Variants in SEMA5A observed in about 807,000 individuals in gnomAD.
SEMA5A encodes the protein semaphorin-5A.
In SEMA5A, 55 loss-of-function variants were observed where a neutral mutation model predicts 135.5. The ratio of observed to expected loss-of-function variants is 0.41; its 90% confidence interval spans 0.33 to 0.51. SEMA5A has a LOEUF of 0.51. Ranked by LOEUF, SEMA5A falls within the 20% of genes least tolerant of loss-of-function variation. The pLI is 0.37. For missense variants in SEMA5A, 1,290 were observed against 1,419.9 expected (o/e 0.91, Z 1.47); for synonymous variants, 580 against 546.5 (o/e 1.06, Z -0.85).
chr5:9,314,445 G>A (rs1430575620), intron 5 of SEMA5A, among the ~76,000 whole-genome samples: 1 of 151,290 alleles, frequency 6.6e-6, no homozygotes, highest in Non-Finnish European at 1.5e-5. Flanking sequence ...AAATATTTTG[G>A]ATATATTGAG....
intron 5 of SEMA5A, among the ~76,000 whole-genome samples, chr5:9,251,114 G>A (rs990970811): frequency 6.6e-6 from 1 of 152,086 alleles, no homozygotes; most frequent in Non-Finnish European, 1.5e-5. Flanking sequence ...CTGAGAAAAG[G>A]ATAAATTTGG....
chr5:9,177,346 A>T (rs1189676184), intron 11 of SEMA5A, among the ~76,000 whole-genome samples: 1 of 152,202 alleles, frequency 6.6e-6, no homozygotes, highest in African/African-American at 2.4e-5. Flanking sequence ...TGATGGAGTC[A>T]TTTCAGATGT....
rs41283165 is a variant in SEMA5A, at chr5:9,118,994, G to A, written c.1925+4C>T. ...GCGGTGCTGGCAGCAGGGTGGGCAC[G>A]TACCTTTCCTCGCGGTTCTGTCCCA... is the stretch of plus-strand genomic sequence containing the variant. On this transcript the variant is annotated splice_donor_region_variant and intron_variant, in intron 15 of 22. Transcript: ENST00000382496. 1.4e-5 allele frequency: 22 copies of A among 1,612,448 alleles called. No homozygotes were observed. The highest frequency in any genetic ancestry group is 1.7e-4 in the Middle Eastern group (1 of 5,840).
At position 9,329,318 on chromosome 5, in the gene SEMA5A, C is replaced by G. The variant is rs113666440; in HGVS notation, c.224+8395G>C. Among the ~76,000 whole-genome samples, 71 of 152,318 alleles carry G rather than the reference C, an allele frequency of 4.7e-4. No individual in the cohort carries two copies. In the Middle Eastern group the frequency reaches 0.014, roughly 29 times the overall value. ...TTTTGTGGTCTATGTGCCAACTACT[C>G]GTCTCTGCAGTTTTAGCTCAAAAGC... On this transcript the variant is annotated intron_variant, in intron 4 of 22. Coordinates refer to ENST00000382496, the MANE Select transcript of SEMA5A (RefSeq NM_003966.3).
At chr5:9,176,610 C>A (rs912847078) in intron 11 of SEMA5A, among the ~76,000 whole-genome samples, 15 of 152,328 alleles carry the variant, frequency 9.8e-5, no homozygotes, top group Middle Eastern at 6.8e-3. Context: ...CTATTTAACA[C>A]CTTGTTGAAC....
intron 5 of SEMA5A, among the ~76,000 whole-genome samples, chr5:9,291,777 T>G (rs1751094823): frequency 6.6e-6 from 1 of 151,844 alleles, no homozygotes; most frequent in African/African-American, 2.4e-5. Context: ...TTTTTTTTTT[T>G]TGACTTTTGG....
At chr5:9,342,497 G>A (rs557374540) in intron 3 of SEMA5A, among the ~76,000 whole-genome samples, 5 of 152,264 alleles carry the variant, frequency 3.3e-5, no homozygotes, top group Non-Finnish European at 7.4e-5. Context: ...AACCCACATT[G>A]GAAACTAAGA....
At chr5:9,113,920 T>C (rs571038611) in intron 15 of SEMA5A, among the ~76,000 whole-genome samples, 2 of 152,298 alleles carry the variant, frequency 1.3e-5, no homozygotes, top group South Asian at 4.1e-4. Flanking sequence ...AGAATTAACA[T>C]CCAATGCAGC....
At chr5:9,533,512 TTCAG>T (rs1304869645) in intron 1 of SEMA5A, among the ~76,000 whole-genome samples, 4 of 152,200 alleles carry the variant, frequency 2.6e-5, no homozygotes, top group African/African-American at 9.6e-5. Flanking sequence ...ATCTAAAATA[TTCAG>T]TATGAAACAA....
chr5:9,539,675 T>C (rs541622672), intron 1 of SEMA5A, among the ~76,000 whole-genome samples: 29 of 152,314 alleles, frequency 1.9e-4, no homozygotes, highest in African/African-American at 6.7e-4. Flanking sequence ...TTTGGAATAT[T>C]TGTATTATAT....
chr5:9,467,222 C>T (rs1759295240), intron 1 of SEMA5A, among the ~76,000 whole-genome samples: 1 of 152,138 alleles, frequency 6.6e-6, no homozygotes, highest in Non-Finnish European at 1.5e-5. Flanking sequence ...AAGCAATTCT[C>T]CTGCCTCAGC....
intron 16 of SEMA5A, among the ~76,000 whole-genome samples, chr5:9,101,365 A>C (rs1402026236): frequency 2.0e-5 from 3 of 152,164 alleles, no homozygotes; most frequent in Non-Finnish European, 4.4e-5. Context: ...TCTTTGCTCC[A>C]ATTTCTACAT....
chr5:9,394,313 C>G (rs1258433203), intron 2 of SEMA5A, among the ~76,000 whole-genome samples: 2 of 152,146 alleles, frequency 1.3e-5, no homozygotes, highest in Non-Finnish European at 2.9e-5. Context: ...CCAGCTCCCC[C>G]AAGAGTGGTA....
At chr5:9,354,019 G>T (rs887191165) in intron 3 of SEMA5A, among the ~76,000 whole-genome samples, 1 of 151,920 alleles carries the variant, frequency 6.6e-6, no homozygotes, top group Admixed American at 6.6e-5. Flanking sequence ...TGGTTTCAGG[G>T]TTTTTATTTC....
At position 9,353,098 on chromosome 5, in the gene SEMA5A, G is replaced by GGAAAGGA. The variant is rs1561176710; in HGVS notation, c.125-15287_125-15286insTCCTTTC. Among the ~76,000 whole-genome samples, 14 of 21,788 alleles carry GGAAAGGA rather than the reference G, an allele frequency of 6.4e-4. 1 individual carries two copies. Among genetic ancestry groups the GGAAAGGA allele is most frequent in the Admixed American group, 1.6e-3 (2 of 1,256 alleles). The allele number at this position is 21,788 out of a possible 152,430, so 14.3% of individuals were successfully genotyped here. On this transcript the variant is annotated intron_variant, in intron 3 of 22. Coordinates refer to ENST00000382496, the MANE Select transcript of SEMA5A (RefSeq NM_003966.3). Reference sequence around the variant, plus strand: ...GGAAAGGAAAGGAAAGGAAAGGAAGGAAGGAAAGGAAAGGAAAGGAAAGGA... The same window carrying GGAAAGGA: ...GGAAAGGAAAGGAAAGGAAAGGAAGGGAAAGGAAAGGAAAGGAAAGGAAAGGAAAGGA...
intron 4 of SEMA5A, among the ~76,000 whole-genome samples, chr5:9,319,824 C>T (rs1195766250): frequency 1.7e-5 from 2 of 116,218 alleles, no homozygotes; most frequent in Non-Finnish European, 1.7e-5. Flanking sequence ...TTTTCACTAT[C>T]GTGGGCGGGG....
chr5:9,053,999 G>A, intron 19 of SEMA5A, 88 bp downstream of exon 19: 1 of 1,437,742 alleles, frequency 7.0e-7, no homozygotes, highest in Non-Finnish European at 9.3e-7. Context: ...TACTTACCAT[G>A]ATGCAGTATC....
Position 9,143,196 on chromosome 5 carries a change from C to T in SEMA5A, c.1482-6575G>A, listed in dbSNP as rs575610031. 3.3e-5 allele frequency among the ~76,000 whole-genome samples: 5 copies of T among 152,236 alleles called. 1 individual carries two copies. The highest frequency in any genetic ancestry group is 9.6e-5 in the African/African-American group (4 of 41,526). ...GGTTTTTTTGAGATGGAGATGCATA[C>T]AGTTGTTATAATTAGTCCCTAAGCA... On this transcript the variant is annotated intron_variant, in intron 12 of 22. Transcript: ENST00000382496.
At chr5:9,496,658 T>C (rs1336235815) in intron 1 of SEMA5A, among the ~76,000 whole-genome samples, 1 of 151,680 alleles carries the variant, frequency 6.6e-6, no homozygotes, top group African/African-American at 2.4e-5. Flanking sequence ...AAATTCAGAG[T>C]TGTTGGAACT....
Sources: gnomAD v4.1 joint callset for allele counts (sites outside exome capture counted in the v4.1 genomes callset) on GRCh38, gnomAD v4.1.1 for gene constraint, MANE v1.5 for transcripts, NCBI Gene and HGNC (gene_info 2026-07-23, HGNC 2026-07-21) for gene names.